The following CALCB variants were observed in gnomAD, a reference collection of about 807,000 sequenced individuals.
The protein encoded by CALCB is calcitonin gene-related peptide 2.
CALCB carries 8 observed loss-of-function variants against 10.7 expected under a neutral mutation model. That is an observed-to-expected ratio of 0.75 (90% CI 0.44 to 1.34). The LOEUF (loss-of-function observed/expected upper bound fraction) is 1.34. CALCB is among the 40% of genes most tolerant of loss of function. The pLI is 0.01. For missense variants in CALCB, 176 were observed against 162.5 expected (o/e 1.08, Z -0.45); for synonymous variants, 76 against 66.9 (o/e 1.14, Z -0.66).
In CALCB at chr11:15,073,906, G is replaced by T. The variant is rs141420002; in HGVS notation, c.-10+243G>T. On this transcript the variant is annotated intron_variant, in intron 1 of 4. Transcript: ENST00000324229. ...ATGGCTCAGCGTGGGCGCTGGAAGC[G>T]CAGCGAGCGGAGGTAGGCGGGTCTG... Among the ~76,000 whole-genome samples, 875 of 152,376 alleles carry T rather than the reference G, an allele frequency of 5.7e-3. 5 individuals carry two copies. The highest frequency in any genetic ancestry group is 9.2e-3 in the Non-Finnish European group (627 of 68,040).
rs529572806 is a variant in CALCB at position 15,075,282 on chromosome 11, C to T, written c.224+84C>T. On this transcript the variant is annotated intron_variant, in intron 3 of 4. Coordinates refer to ENST00000324229, the MANE Select transcript of CALCB (RefSeq NM_000728.4). Reference sequence around the variant, plus strand: ...GTGGATCCCAAGAGGCAGGAGAGAACACACTGGCAAGGGGTCCAGCAAGCT... The same window carrying T: ...GTGGATCCCAAGAGGCAGGAGAGAATACACTGGCAAGGGGTCCAGCAAGCT... The T allele has an allele frequency of 2.6e-5, 42 of 1,600,194 alleles. No homozygotes were observed. In the East Asian group the frequency reaches 4.0e-4, roughly 15 times the overall value.
At chr11:15,078,014 C>T (rs1005401459) in intron 4 of CALCB, 69 bp from the exon 5 acceptor site, 4 of 152,036 alleles carry the variant, frequency 2.6e-5, no homozygotes, top group Non-Finnish European at 5.9e-5. Context: ...TCCTTTTCAT[C>T]TTCTTCCTTT....
rs530601369 is a variant in CALCB at position 15,077,171 on chromosome 11, C to T, written c.225-115C>T. ...CTAACAGCTTTGATAATTGCATTTT[C>T]GAGAAACACTTACTGTTAGGTGGTG... On this transcript the variant is annotated intron_variant, in intron 3 of 4. Coordinates refer to ENST00000324229, the MANE Select transcript of CALCB (RefSeq NM_000728.4). 3.7e-4 allele frequency: 422 copies of T among 1,149,728 alleles called. No individual in the cohort carries two copies. The African/African-American group carries it at 5.0e-3, about 14-fold the overall frequency. The allele number at this position is 1,149,728 out of a possible 1,614,324, so 71.2% of individuals were successfully genotyped here.
chr11:15,075,778 G>T (rs1187589056), intron 3 of CALCB, among the ~76,000 whole-genome samples: 1 of 152,134 alleles, frequency 6.6e-6, no homozygotes, highest in East Asian at 1.9e-4. Context: ...TGTGCATGTT[G>T]TCATGAGGCC....
chr11:15,076,764 T>C (rs1324760801), intron 3 of CALCB, among the ~76,000 whole-genome samples: 1 of 152,218 alleles, frequency 6.6e-6, no homozygotes, highest in Non-Finnish European at 1.5e-5. Flanking sequence ...AGAAGTAGCC[T>C]TAGCTTCAGG....
At chr11:15,076,588 T>C (rs577539465) in intron 3 of CALCB, among the ~76,000 whole-genome samples, 4 of 152,260 alleles carry the variant, frequency 2.6e-5, no homozygotes, top group Non-Finnish European at 1.5e-5. Flanking sequence ...GAGGGTGTTA[T>C]GACAGAGGCA....
chr11:15,074,516 T>C (rs920679834), intron 1 of CALCB, among the ~76,000 whole-genome samples, 194 bp from the exon 2 acceptor site: 2 of 152,182 alleles, frequency 1.3e-5, no homozygotes, highest in Admixed American at 6.5e-5. Context: ...AGGACACCTT[T>C]TTCCGCTCTA....
chr11:15,075,216 C>A lies in CALCB; in HGVS notation c.224+18C>A. ...GGCTCCAGGTGAGGTTCCCCAAGCG[C>A]CCAGCACAGGGACTCCTCTCCCCGC... On this transcript the variant is annotated intron_variant, in intron 3 of 4. Transcript: ENST00000324229. The A allele has an allele frequency of 6.2e-7, 1 of 1,613,796 alleles. No homozygotes were observed. Among genetic ancestry groups the A allele is most frequent in the Non-Finnish European group, 8.5e-7 (1 of 1,180,018 alleles).
rs137888246 is a variant in CALCB at position 15,076,984 on chromosome 11, C to T, written c.225-302C>T. ...TGGGGTATGGTCTCTGTATACTCCT[C>T]GTGTATCTTGGGGTGGGTCTGGGCC... On this transcript the variant is annotated intron_variant, in intron 3 of 4. Transcript: ENST00000324229. Among the ~76,000 whole-genome samples, 1,215 of 152,204 alleles carry T rather than the reference C, an allele frequency of 8.0e-3. 12 individuals are homozygous for T. The highest frequency in any genetic ancestry group is 8.7e-3 in the Non-Finnish European group (591 of 68,014).
intron 3 of CALCB, among the ~76,000 whole-genome samples, chr11:15,075,651 C>T (rs113089300): frequency 7.2e-5 from 11 of 152,120 alleles, no homozygotes; most frequent in African/African-American, 2.7e-4. Context: ...TTCTTTCATA[C>T]CTGCAAGAAG....
rs1361777863 is a variant in CALCB, at chr11:15,075,066, C to T, written c.92C>T (p.Ala31Val). 19 of 1,614,084 alleles carry T rather than the reference C, an allele frequency of 1.2e-5. No homozygotes were observed. The South Asian group carries it at 1.9e-4, about 16-fold the overall frequency. Residue 31 changes from alanine to valine, a missense_variant, in exon 3 of 5, where the codon GCC (alanine) becomes GTC (valine). Coordinates refer to ENST00000324229, the MANE Select transcript of CALCB (RefSeq NM_000728.4). ...GSLQAAPFRS[A>V]LESSPDPATL... is the part of the protein sequence containing the mutation. ...AGTTTGCTTCCCTTCCACAGGTCTG[C>T]CCTGGAGAGCAGCCCAGACCCGGCC...
intron 4 of CALCB, among the ~76,000 whole-genome samples, chr11:15,077,692 C>G (rs1201731465): frequency 6.6e-6 from 1 of 152,138 alleles, no homozygotes; most frequent in African/African-American, 2.4e-5. Context: ...AAATAAAAAG[C>G]TTGCTGGATT....
chr11:15,075,290 C>T, intron 3 of CALCB, 92 bp downstream of exon 3: 2 of 1,589,572 alleles, frequency 1.3e-6, no homozygotes, highest in South Asian at 2.3e-5. Flanking sequence ...AACACACTGG[C>T]AAGGGGTCCA....
In CALCB at chr11:15,075,177, A is replaced by G. The variant is rs1850383036; in HGVS notation, c.203A>G (p.Glu68Gly). 1 of 1,614,070 alleles carries G rather than the reference A, an allele frequency of 6.2e-7. No homozygotes were observed. The highest frequency in any genetic ancestry group is 8.5e-7 in the Non-Finnish European group (1 of 1,180,042). ...ATGAAGGCCAGTGAGCTGAAGCAGG[A>G]GCAGGAGACACAGGGCTCCAGGTGA... ...VQMKASELKQ[E>G]QETQGSSSAA... The change falls in exon 3 of 5, where the codon GAG becomes GGG. Residue 68 changes from glutamate (E) to glycine (G), a missense_variant. Coordinates refer to ENST00000324229, the MANE Select transcript of CALCB (RefSeq NM_000728.4).
At chr11:15,074,881 A>C in intron 2 of CALCB, 77 bp downstream of exon 2, 1 of 1,425,504 alleles carries the variant, frequency 7.0e-7, no homozygotes, top group Non-Finnish European at 9.7e-7. Context: ...CTCTGAAGTC[A>C]CGCGTGGCTC....
In CALCB at chr11:15,077,429, G is replaced by A. The variant is rs752991281; in HGVS notation, c.368G>A (p.Arg123Lys). 14 of 1,614,196 alleles carry A rather than the reference G, an allele frequency of 8.7e-6. No individual in the cohort carries two copies. The highest frequency in any genetic ancestry group is 3.4e-6 in the Non-Finnish European group (4 of 1,180,054). ...VGSKAFGRRRRDLQA is the reference protein window; with the variant it reads ...VGSKAFGRRRKDLQA ...TCCAAAGCCTTTGGCAGGCGCCGCA[G>A]GGACCTTCAAGCCTGAGCAGATGAA... The change falls in exon 4 of 5, where the codon AGG becomes AAG. Residue 123 changes from arginine (R) to lysine (K), a missense_variant. By Grantham distance (26) the Arg-to-Lys change is conservative. Coordinates refer to ENST00000324229, the MANE Select transcript of CALCB (RefSeq NM_000728.4).
chr11:15,075,256 G>C, intron 3 of CALCB, 58 bp downstream of exon 3: 1 of 1,611,722 alleles, frequency 6.2e-7, no homozygotes, highest in Non-Finnish European at 8.5e-7. Flanking sequence ...TACACAGGAA[G>C]GTGGATCCCA....
At chr11:15,074,654 A>G in intron 1 of CALCB, 56 bp from the exon 2 acceptor site, 1 of 1,367,452 alleles carries the variant, frequency 7.3e-7, no homozygotes, top group Non-Finnish European at 1.0e-6. Flanking sequence ...TGGCAGAGGC[A>G]GGACTGGAAC....
rs7935679 is a variant in CALCB at position 15,076,742 on chromosome 11, G to A, written c.225-544G>A. ...CCACATCCAGACTTGAGGGTGTCCA[G>A]TGCCTATGCTCAGAAGTAGCCTTAG... is the stretch of plus-strand genomic sequence containing the variant. On this transcript the variant is annotated intron_variant, in intron 3 of 4. Transcript: ENST00000324229. Among the ~76,000 whole-genome samples the A allele has an allele frequency of 2.8e-3, 421 of 152,348 alleles. 1 individual carries two copies. Among genetic ancestry groups the A allele is most frequent in the African/African-American group, 9.7e-3 (405 of 41,584 alleles).
Sources: gnomAD v4.1 joint callset for allele counts (sites outside exome capture counted in the v4.1 genomes callset) on GRCh38, gnomAD v4.1.1 for gene constraint, MANE v1.5 for transcripts, NCBI Gene and HGNC (gene_info 2026-07-23, HGNC 2026-07-21) for gene names.